The following DERA variants were observed in gnomAD, a reference collection of about 807,000 sequenced individuals.
DERA encodes the protein 2-deoxy-D-ribose 5-phosphate aldolase.
DERA carries 15 observed loss-of-function variants against 41.1 expected under a neutral mutation model. The ratio of observed to expected loss-of-function variants is 0.37; its 90% CI spans 0.24 to 0.56. The LOEUF (loss-of-function observed/expected upper bound fraction) is 0.56. Among genes scored for constraint, DERA ranks in the 20% least tolerant of loss-of-function variants. DERA has a pLI of 0.81. For missense variants in DERA, 396 were observed against 403.4 expected, an observed-to-expected ratio of 0.98 and a Z score of 0.16; for synonymous variants, 139 against 137.4, an observed-to-expected ratio of 1.01 and a Z score of -0.08.
intron 1 of DERA, among the ~76,000 whole-genome samples, chr12:15,925,743 T>C (rs1219570084): frequency 6.6e-6 from 1 of 151,954 alleles, no homozygotes; most frequent in Non-Finnish European, 1.5e-5. Flanking sequence ...AATTTAATCA[T>C]TTTTGCTGAC....
chr12:15,920,854 C>G (rs895844861), intron 1 of DERA, among the ~76,000 whole-genome samples: 1 of 151,920 alleles, frequency 6.6e-6, no homozygotes, highest in Non-Finnish European at 1.5e-5. Context: ...ATACCCCCCC[C>G]AAAAATACCA....
chr12:16,034,317 C>G (rs1046041964), intron 7 of DERA, among the ~76,000 whole-genome samples: 1 of 152,174 alleles, frequency 6.6e-6, no homozygotes, highest in Non-Finnish European at 1.5e-5. Context: ...CAGGAGAGCT[C>G]TTAGACAACA....
chr12:15,965,677 T>C lies in DERA; in HGVS notation c.508+2730T>C, dbSNP rs1948617535. Reference sequence around the variant, plus strand: ...GGTTCTCCTTAGTGACCATTTAAAATGTCCACTTTCCTGAAATTTCTAACT... The same window carrying C: ...GGTTCTCCTTAGTGACCATTTAAAACGTCCACTTTCCTGAAATTTCTAACT... On this transcript the variant is annotated intron_variant, in intron 5 of 8. Transcript: ENST00000428559. This position sits in a 1 kb window ranked among gnomAD's most constrained non-coding sequence, Gnocchi z 4.1. Among the ~76,000 whole-genome samples, 1 of 152,138 alleles carries C rather than the reference T, an allele frequency of 6.6e-6. No homozygotes were observed. Among genetic ancestry groups the C allele is most frequent in the Non-Finnish European group, 1.5e-5 (1 of 68,036 alleles).
chr12:16,024,007 G>A (rs1370255590), intron 6 of DERA, among the ~76,000 whole-genome samples: 2 of 152,156 alleles, frequency 1.3e-5, no homozygotes, highest in Non-Finnish European at 1.5e-5. Context: ...AATGAAGAAT[G>A]CTTTTGATGG....
In DERA at chr12:15,915,138, G is replaced by C. The variant is rs1948190307; in HGVS notation, c.31+3724G>C. ...CAGAGCTATTAATCGGTCTGGTTCA[G>C]GACCTGGACATCAAGCTAGAGCTAC... On this transcript the variant is annotated intron_variant, in intron 1 of 8. Coordinates refer to ENST00000428559, the MANE Select transcript of DERA (RefSeq NM_015954.4). This position sits in a 1 kb window ranked among gnomAD's most constrained non-coding sequence, Gnocchi z 4.8. Among the ~76,000 whole-genome samples, 1 of 152,196 alleles carries C rather than the reference G, an allele frequency of 6.6e-6. No individual in the cohort carries two copies. Among genetic ancestry groups the C allele is most frequent in the Admixed American group, 6.5e-5 (1 of 15,278 alleles).
chr12:16,023,154 CCT>C (rs1428500323), intron 6 of DERA, among the ~76,000 whole-genome samples: 3 of 152,106 alleles, frequency 2.0e-5, no homozygotes, highest in Non-Finnish European at 4.4e-5. Flanking sequence ...ATAGAATACT[CCT>C]CCCTCATCTG....
At chr12:16,030,672 C>G (rs1456105283) in intron 6 of DERA, among the ~76,000 whole-genome samples, 1 of 152,214 alleles carries the variant, frequency 6.6e-6, no homozygotes, top group African/African-American at 2.4e-5. Flanking sequence ...CTCCATCACT[C>G]TCTATCTCAT....
chr12:15,958,345 TTG>T lies in DERA; in HGVS notation c.277+17_277+18del. On this transcript the variant is annotated intron_variant, in intron 3 of 8. Transcript: ENST00000428559. ...AATATGCATGATAAAGGTAATGTTG[TTG>T]TGTGTGATCTATGTGGTGTTTAGTG... is the stretch of plus-strand genomic sequence containing the variant. 1 of 1,593,646 alleles carries T rather than the reference TTG, an allele frequency of 6.3e-7. No homozygotes were observed. Among genetic ancestry groups the T allele is most frequent in the Non-Finnish European group, 8.5e-7 (1 of 1,171,110 alleles).
Position 16,036,631 on chromosome 12 carries a change from A to T in DERA, c.901-59A>T. On this transcript the variant is annotated intron_variant, in intron 8 of 8. Transcript: ENST00000428559. This position sits in a 1 kb window ranked among gnomAD's most constrained non-coding sequence, Gnocchi z 4.9. ...TTTATTATTATTTGATAGTATAATT[A>T]TTAACTGATGTGTATAATTATAGAA... 1 of 1,248,812 alleles carries T rather than the reference A, an allele frequency of 8.0e-7. No individual in the cohort carries two copies. Among genetic ancestry groups the T allele is most frequent in the Non-Finnish European group, 1.2e-6 (1 of 868,326 alleles). The allele number at this position is 1,248,812 out of a possible 1,614,324, so 77.4% of individuals were successfully genotyped here.
In DERA at chr12:15,996,960, G is replaced by T. The variant is rs1278594534; in HGVS notation, c.637+14524G>T. On this transcript the variant is annotated intron_variant, in intron 6 of 8. Transcript: ENST00000428559. The surrounding 1 kb of genome is among the most constrained non-coding windows in gnomAD (Gnocchi z 4.7). Reference sequence around the variant, plus strand: ...ACTAAAATAAAGAATGAGGCATTAGGAGATAAATTTGCTTATGAGCAAGAG... The same window carrying T: ...ACTAAAATAAAGAATGAGGCATTAGTAGATAAATTTGCTTATGAGCAAGAG... Among the ~76,000 whole-genome samples the T allele has an allele frequency of 2.6e-5, 4 of 152,194 alleles. No individual in the cohort carries two copies. The highest frequency in any genetic ancestry group is 4.8e-5 in the African/African-American group (2 of 41,454).
In DERA at chr12:15,936,152, G is replaced by A. The variant is rs1948362822; in HGVS notation, c.32-20784G>A. ...TGGGTATTTCCACAATCTCCACTTG[G>A]TTACATAGGTCAGCTCTGTTAATTA... On this transcript the variant is annotated intron_variant, in intron 1 of 8. Coordinates refer to ENST00000428559, the MANE Select transcript of DERA (RefSeq NM_015954.4). The surrounding 1 kb of genome is among the most constrained non-coding windows in gnomAD (Gnocchi z 4.6). Among the ~76,000 whole-genome samples the A allele has an allele frequency of 2.0e-5, 3 of 152,198 alleles. No individual in the cohort carries two copies. Among genetic ancestry groups the A allele is most frequent in the Non-Finnish European group, 2.9e-5 (2 of 68,038 alleles).
rs1360226794 is a variant in DERA at position 15,959,895 on chromosome 12, C to A, written c.344C>A (p.Ala115Asp). ...TGTGATGCTGTAAAAGCACTCAAGG[C>A]TGCAGGCTGTAATATCCCTGTGGCA... ...RVCDAVKALK[A>D]AGCNIPVASV... is the part of the protein sequence containing the mutation. The change falls in exon 4 of 9, where the codon GCT becomes GAT. Residue 115 changes from alanine to aspartate, a missense_variant. Physicochemically the swap from Ala to Asp is moderately radical, Grantham distance 126. Coordinates refer to ENST00000428559, the MANE Select transcript of DERA (RefSeq NM_015954.4). The surrounding 1 kb of genome is among the most constrained non-coding windows in gnomAD (Gnocchi z 4.5). 3.2e-6 allele frequency: 5 copies of A among 1,549,716 alleles called. No individual in the cohort carries two copies. Among genetic ancestry groups the A allele is most frequent in the East Asian group, 4.9e-5 (2 of 41,110 alleles).
rs1436838380 is a variant in DERA at position 15,992,739 on chromosome 12, C to A, written c.637+10303C>A. Among the ~76,000 whole-genome samples the A allele has an allele frequency of 1.3e-5, 2 of 152,152 alleles. No homozygotes were observed. The highest frequency in any genetic ancestry group is 2.9e-5 in the Non-Finnish European group (2 of 68,000). ...AGGTCAATCTACTGCTAAGGGATTT[C>A]AGCCCAGCAAATGCACACATTAAGA... is the stretch of plus-strand genomic sequence containing the variant. On this transcript the variant is annotated intron_variant, in intron 6 of 8. Transcript: ENST00000428559. The surrounding 1 kb of genome is among the most constrained non-coding windows in gnomAD (Gnocchi z 4.3).
intron 5 of DERA, among the ~76,000 whole-genome samples, chr12:15,974,139 G>A (rs1400508099): frequency 6.6e-6 from 1 of 152,076 alleles, no homozygotes; most frequent in Non-Finnish European, 1.5e-5. Context: ...CTGTTCACCT[G>A]TTACCCTTAA....
rs1480819118 is a variant in DERA, at chr12:15,992,674, A to G, written c.637+10238A>G. Among the ~76,000 whole-genome samples, 2 of 152,190 alleles carry G rather than the reference A, an allele frequency of 1.3e-5. No homozygotes were observed. The highest frequency in any genetic ancestry group is 4.8e-5 in the African/African-American group (2 of 41,460). ...TCCAAGAACAAGATGATAGGACATA[A>G]GATAGGGAAACATACTTACAGAAAA... is the stretch of plus-strand genomic sequence containing the variant. On this transcript the variant is annotated intron_variant, in intron 6 of 8. Coordinates refer to ENST00000428559, the MANE Select transcript of DERA (RefSeq NM_015954.4). This position sits in a 1 kb window ranked among gnomAD's most constrained non-coding sequence, Gnocchi z 4.3.
chr12:15,962,971 A>G (rs1948598836), intron 5 of DERA, 24 bp downstream of exon 5: 4 of 1,597,520 alleles, frequency 2.5e-6, no homozygotes, highest in Non-Finnish European at 3.4e-6. Flanking sequence ...TTTACCTAAG[A>G]GAGTTTCACC....
rs1948270808 is a variant in DERA at position 15,924,904 on chromosome 12, G to C, written c.31+13490G>C. 6.6e-6 allele frequency among the ~76,000 whole-genome samples: 1 copy of C among 152,162 alleles called. No homozygotes were observed. The highest frequency in any genetic ancestry group is 2.4e-5 in the African/African-American group (1 of 41,422). ...GCTGCCTTATTAATAGGCTGCTTGA[G>C]GGTAGGATCTGTGCTTATCGGGCGT... On this transcript the variant is annotated intron_variant, in intron 1 of 8. Transcript: ENST00000428559. This position sits in a 1 kb window ranked among gnomAD's most constrained non-coding sequence, Gnocchi z 5.0.
At chr12:16,030,765 T>C (rs1949087351) in intron 6 of DERA, among the ~76,000 whole-genome samples, 1 of 152,234 alleles carries the variant, frequency 6.6e-6, no homozygotes, top group Admixed American at 6.5e-5. Context: ...GAACACCTGC[T>C]CACAAAGGCA....
chr12:15,925,409 C>G (rs114074904), intron 1 of DERA, among the ~76,000 whole-genome samples: 1 of 151,756 alleles, frequency 6.6e-6, no homozygotes, highest in African/African-American at 2.4e-5. Context: ...AAGACAATAA[C>G]TAGAACATAA....
Sources: gnomAD v4.1 joint callset for allele counts (sites outside exome capture counted in the v4.1 genomes callset) on GRCh38, gnomAD v4.1.1 for gene constraint, Gnocchi (gnomAD v3.1) non-coding constraint, MANE v1.5 for transcripts, NCBI Gene and HGNC (gene_info 2026-07-23, HGNC 2026-07-21) for gene names.